The following OTOGL variants were observed in gnomAD, a reference collection of about 807,000 sequenced individuals.
OTOGL encodes otogelin-like protein.
A neutral mutation model predicts 318.5 loss-of-function variants in OTOGL; 285 were observed. That is an observed-to-expected ratio of 0.89 (90% CI 0.81 to 0.99). The LOEUF (loss-of-function observed/expected upper bound fraction) is 0.99. OTOGL is among the 50% of genes least tolerant of loss of function. The probability of loss-of-function intolerance (pLI) is 0.00; values close to 1 mark genes in which losing one functional copy is unlikely to be tolerated. For synonymous variants in OTOGL, 987 were observed against 936.5 expected, an observed-to-expected ratio of 1.05 and a Z score of -0.99; for missense variants, 2,899 against 2,845.6, an observed-to-expected ratio of 1.02 and a Z score of -0.43.
chr12:80,253,350 TG>T, intron 13 of OTOGL, 115 bp from the exon 14 acceptor site: 1 of 885,140 alleles, frequency 1.1e-6, no homozygotes, highest in Non-Finnish European at 1.7e-6. Flanking sequence ...TAAAGAAATT[TG>T]TATTTCCAGC....
intron 2 of OTOGL, among the ~76,000 whole-genome samples, chr12:80,209,836 T>A (rs1168156509): frequency 1.3e-5 from 2 of 152,114 alleles, no homozygotes; most frequent in African/African-American, 2.4e-5. Flanking sequence ...GATATGCAAT[T>A]GTATTAGAAG....
chr12:80,259,343 T>A (rs557180913), intron 18 of OTOGL, among the ~76,000 whole-genome samples: 1 of 151,712 alleles, frequency 6.6e-6, no homozygotes, highest in South Asian at 2.1e-4. Flanking sequence ...ATTTCTTTTT[T>A]AAAACATTTT....
intron 1 of OTOGL, among the ~76,000 whole-genome samples, chr12:80,126,517 T>G (rs565858423): frequency 2.6e-5 from 4 of 152,318 alleles, no homozygotes; most frequent in South Asian, 2.1e-4. Flanking sequence ...GTATATTCTG[T>G]TGATTTGGGG....
rs892634678 is a variant in OTOGL at position 80,209,393 on chromosome 12, T to G, written c.-19-20T>G. On this transcript the variant is annotated intron_variant, in intron 1 of 58. Coordinates refer to ENST00000547103, the MANE Select transcript of OTOGL (RefSeq NM_001378609.3). ...TAAGATGCCATCATAATAAAGACCATCAATTTGGTTACATTTCAGGGGGAA... is the reference window on the plus strand; with the variant it reads ...TAAGATGCCATCATAATAAAGACCAGCAATTTGGTTACATTTCAGGGGGAA... The G allele has an allele frequency of 4.5e-6, 6 of 1,339,432 alleles. No homozygotes were observed. Among genetic ancestry groups the G allele is most frequent in the African/African-American group, 1.5e-5 (1 of 68,046 alleles). The allele number at this position is 1,339,432 out of a possible 1,614,324, so 83.0% of individuals were successfully genotyped here. A position where few individuals can be genotyped will look rare whatever the true frequency, so the allele number is the denominator to read the frequency against.
intron 26 of OTOGL, among the ~76,000 whole-genome samples, chr12:80,281,635 G>T (rs1592651857): frequency 6.6e-6 from 1 of 151,814 alleles, no homozygotes; most frequent in East Asian, 1.9e-4. Flanking sequence ...ATGTTAATCA[G>T]GGATATTGGC....
chr12:80,328,296 G>A (rs1403129044), intron 35 of OTOGL, among the ~76,000 whole-genome samples: 10 of 148,806 alleles, frequency 6.7e-5, no homozygotes, highest in Non-Finnish European at 1.5e-4. Context: ...TGCAGCCTGG[G>A]TGACAGAGTG....
intron 1 of OTOGL, among the ~76,000 whole-genome samples, chr12:80,154,084 G>A (rs1872960782): frequency 6.6e-6 from 1 of 152,162 alleles, no homozygotes; most frequent in Non-Finnish European, 1.5e-5. Context: ...CGAGGTGGGT[G>A]GATCACTTGA....
At chr12:80,372,874 A>C (rs895763925) in intron 57 of OTOGL, among the ~76,000 whole-genome samples, 1 of 151,932 alleles carries the variant, frequency 6.6e-6, no homozygotes, top group South Asian at 2.1e-4. Context: ...TTTTTAGTAG[A>C]GATGGGGTTT....
At position 80,266,586 on chromosome 12, in the gene OTOGL, A is replaced by T; in HGVS notation, c.2360A>T (p.Tyr787Phe). ...TGTAATTGTCCGGAAGGCAAATTCTATGAAGACACTCTTAACTTTTGTGTA... is the reference window on the plus strand; with the variant it reads ...TGTAATTGTCCGGAAGGCAAATTCTTTGAAGACACTCTTAACTTTTGTGTA... ...EGCNCPEGKFYEDTLNFCVPI... is the reference protein window; with the variant it reads ...EGCNCPEGKFFEDTLNFCVPI... Residue 787 changes from tyrosine to phenylalanine, a missense_variant, in exon 21 of 59, where the codon TAT (tyrosine) becomes TTT (phenylalanine). Transcript: ENST00000547103. 1 of 1,613,536 alleles carries T rather than the reference A, an allele frequency of 6.2e-7. No individual in the cohort carries two copies. The highest frequency in any genetic ancestry group is 8.5e-7 in the Non-Finnish European group (1 of 1,179,718).
At chr12:80,307,954 T>A (rs1592687327) in intron 29 of OTOGL, among the ~76,000 whole-genome samples, 1 of 126,414 alleles carries the variant, frequency 7.9e-6, no homozygotes, top group Non-Finnish European at 1.6e-5. Context: ...ACGGAGCGGC[T>A]GGCCGGGCAG....
At chr12:80,300,872 T>C (rs775983755) in intron 27 of OTOGL, among the ~76,000 whole-genome samples, 31 of 152,078 alleles carry the variant, frequency 2.0e-4, no homozygotes, top group Admixed American at 4.6e-4. Flanking sequence ...TAGCTGAAGC[T>C]TAGTCAGTGA....
intron 44 of OTOGL, among the ~76,000 whole-genome samples, chr12:80,345,999 T>C (rs925440578): frequency 2.0e-5 from 3 of 152,152 alleles, no homozygotes; most frequent in African/African-American, 7.2e-5. Context: ...AAAACGGAGG[T>C]AGAGAAGACA....
Position 80,257,908 on chromosome 12 carries a change from G to A in OTOGL, c.1795G>A (p.Gly599Arg). The A allele has an allele frequency of 3.1e-6, 5 of 1,597,612 alleles. No homozygotes were observed. The highest frequency in any genetic ancestry group is 4.2e-6 in the Non-Finnish European group (5 of 1,178,756). ...FGLKILFAID[G>R]ERIYIQLTSA... ...TTTAAAGATTCTGTTTGCTATAGAT[G>A]GGGAAAGAATTTATATTCAGCTTAC... The change falls in exon 18 of 59, where the codon GGG (glycine) becomes AGG (arginine). Residue 599 changes from glycine to arginine, a missense_variant. Physicochemically the swap from Gly to Arg is moderately radical, Grantham distance 125 (BLOSUM62 -2). Transcript: ENST00000547103.
At chr12:80,335,441 C>A (rs905138055) in intron 38 of OTOGL, among the ~76,000 whole-genome samples, 1 of 151,952 alleles carries the variant, frequency 6.6e-6, no homozygotes, top group Non-Finnish European at 1.5e-5. Context: ...AAATCTACCA[C>A]TTATTTATTT....
At chr12:80,182,987 T>C (rs1322458769) in intron 1 of OTOGL, among the ~76,000 whole-genome samples, 1 of 152,218 alleles carries the variant, frequency 6.6e-6, no homozygotes, top group Non-Finnish European at 1.5e-5. Context: ...GTACCCTCTC[T>C]CAAGTTACTT....
chr12:80,367,460 C>G, intron 53 of OTOGL, 101 bp from the exon 54 acceptor site: 1 of 873,900 alleles, frequency 1.1e-6, no homozygotes, highest in Non-Finnish European at 1.6e-6. Flanking sequence ...GAAAAATTGG[C>G]ACATCGCAAT....
intron 1 of OTOGL, chr12:80,132,664 G>A (rs1211279459): frequency 6.6e-6 from 1 of 152,052 alleles, no homozygotes; most frequent in Non-Finnish European, 1.5e-5. Flanking sequence ...ATTTGCCTTG[G>A]ATTCATTGAG....
Position 80,185,530 on chromosome 12 carries a change from C to G in OTOGL, c.-19-23883C>G, listed in dbSNP as rs988007332. On this transcript the variant is annotated intron_variant, in intron 1 of 58. Coordinates refer to ENST00000547103, the MANE Select transcript of OTOGL (RefSeq NM_001378609.3). ...TCTTGAACTCCTGATCTCAAGTGAC[C>G]CACTCACCTTGGCCTCCGAAAGTAC... Among the ~76,000 whole-genome samples the G allele has an allele frequency of 9.9e-5, 15 of 152,246 alleles. No homozygotes were observed. The South Asian group carries it at 3.1e-3, about 32-fold the overall frequency.
In OTOGL at chr12:80,320,621, A is replaced by C. The variant is rs1410684178; in HGVS notation, c.4002A>C (p.Ile1334=). The part of the protein sequence containing the change: ...ELYSKKGFFI[I]FTDSSVKASK... ...ACAGCAAGAAAGGCTTTTTCATCAT[A>C]TTCACAGATTCTAGTGTCAAAGCAT... Residue 1334 remains isoleucine (I), a synonymous_variant, in exon 34 of 59, where the codon ATA becomes ATC. Transcript: ENST00000547103. The C allele has an allele frequency of 6.2e-7, 1 of 1,611,092 alleles. No individual in the cohort carries two copies. Among genetic ancestry groups the C allele is most frequent in the Admixed American group, 1.7e-5 (1 of 59,588 alleles).
Sources: allele counts gnomAD v4.1 joint callset (sites outside exome capture counted in the v4.1 genomes callset), GRCh38; gene constraint gnomAD v4.1.1; transcripts MANE v1.5; gene names NCBI Gene and HGNC (gene_info 2026-07-23, HGNC 2026-07-21).